Variants in CSRNP3 observed in about 807,000 individuals in gnomAD.
CSRNP3 encodes cysteine and serine rich nuclear protein 3, also known as cysteine/serine-rich nuclear protein 3.
Under a neutral mutation model 48.0 loss-of-function variants are expected in CSRNP3, and 12 were observed. The ratio of observed to expected loss-of-function variants is 0.25; its 90% CI spans 0.16 to 0.41. The LOEUF (loss-of-function observed/expected upper bound fraction) is 0.41, where lower values mean the gene tolerates loss of function less well. CSRNP3 is among the 10% of genes least tolerant of loss of function. The pLI is 1.00. For synonymous variants in CSRNP3, 263 were observed against 269.7 expected, an observed-to-expected ratio of 0.98 and a Z score of 0.24; for missense variants, 580 against 724.4, an observed-to-expected ratio of 0.80 and a Z score of 2.29.
At chr2:165,528,927 C>T (rs1056388002) in intron 3 of CSRNP3, among the ~76,000 whole-genome samples, 6 of 152,134 alleles carry the variant, frequency 3.9e-5, no homozygotes, top group Non-Finnish European at 8.8e-5. Context: ...TGTAGCCACC[C>T]AAGCCATAGC....
chr2:165,562,127 C>T (rs1226048062), intron 3 of CSRNP3, among the ~76,000 whole-genome samples: 1 of 152,128 alleles, frequency 6.6e-6, no homozygotes, highest in Admixed American at 6.6e-5. Context: ...AGCCCGAACA[C>T]CCCCTGATGT....
At chr2:165,488,994 C>T (rs1386524563) in intron 1 of CSRNP3, among the ~76,000 whole-genome samples, 83 of 116,422 alleles carry the variant, frequency 7.1e-4, no homozygotes, top group Admixed American at 1.1e-3. Flanking sequence ...TTCAAAAAAT[C>T]AATGAATCCA....
chr2:165,626,082 G>A (rs1247077838), intron 4 of CSRNP3, among the ~76,000 whole-genome samples: 1 of 151,724 alleles, frequency 6.6e-6, no homozygotes, highest in East Asian at 1.9e-4. Flanking sequence ...AATTAGCCCA[G>A]CATGGTGGTG....
At chr2:165,666,175 G>T (rs575556228) in intron 5 of CSRNP3, among the ~76,000 whole-genome samples, 8 of 136,542 alleles carry the variant, frequency 5.9e-5, no homozygotes, top group African/African-American at 2.0e-4. Context: ...AGAGAGAAAG[G>T]AAGGAAGGAA....
intron 1 of CSRNP3, among the ~76,000 whole-genome samples, chr2:165,472,284 A>T (rs369328045): frequency 6.6e-6 from 1 of 152,034 alleles, no homozygotes; most frequent in Non-Finnish European, 1.5e-5. Context: ...CATTAATGCA[A>T]TTATTTCCTT....
intron 1 of CSRNP3, among the ~76,000 whole-genome samples, chr2:165,480,212 C>G (rs1042931865): frequency 4.6e-5 from 7 of 152,212 alleles, no homozygotes; most frequent in Non-Finnish European, 1.0e-4. Context: ...TAGTATCTGA[C>G]TTCTAGACCT....
In CSRNP3 at chr2:165,688,991, G is replaced by A. The variant is rs921875733; in HGVS notation, c.*9238G>A. 1.3e-5 allele frequency: 2 copies of A among 152,000 alleles called. No individual in the cohort carries two copies. Among genetic ancestry groups the A allele is most frequent in the Admixed American group, 6.6e-5 (1 of 15,240 alleles). 9.4% of individuals were successfully genotyped at this position (152,000 alleles called of 1,614,324 possible). ...TTGAAAAGGAGGAAAATCAACTCCA[G>A]TCCACACATACAGTCATGTTACATT... On this transcript the variant is annotated 3_prime_UTR_variant, in exon 7 of 7. Transcript: ENST00000651982.
intron 4 of CSRNP3, among the ~76,000 whole-genome samples, chr2:165,627,451 G>T (rs978547201): frequency 1.3e-5 from 2 of 151,732 alleles, no homozygotes; most frequent in African/African-American, 4.8e-5. Flanking sequence ...TTTCTCTTTC[G>T]TTCTGGGCCC....
intron 4 of CSRNP3, among the ~76,000 whole-genome samples, chr2:165,641,511 A>G (rs1320155024): frequency 6.6e-6 from 1 of 152,210 alleles, no homozygotes; most frequent in Non-Finnish European, 1.5e-5. Flanking sequence ...AAAGGTCAGG[A>G]GTCTGGGAAC....
chr2:165,547,158 A>T (rs1461302879), intron 3 of CSRNP3, among the ~76,000 whole-genome samples: 1 of 152,110 alleles, frequency 6.6e-6, no homozygotes, highest in Non-Finnish European at 1.5e-5. Flanking sequence ...AACCTCATTC[A>T]TTTTTATATC....
chr2:165,586,084 A>G (rs1235903334), intron 3 of CSRNP3, among the ~76,000 whole-genome samples: 1 of 152,170 alleles, frequency 6.6e-6, no homozygotes, highest in Admixed American at 6.5e-5. Flanking sequence ...TAAAGTGAAC[A>G]TCTCATTACC....
chr2:165,565,649 A>C (rs1021598100), intron 3 of CSRNP3, among the ~76,000 whole-genome samples: 6 of 152,050 alleles, frequency 3.9e-5, no homozygotes, highest in Non-Finnish European at 7.4e-5. Context: ...AACAAGAAAG[A>C]AAATGCATGC....
At position 165,679,957 on chromosome 2, in the gene CSRNP3, T is replaced by A. The variant is rs987734229; in HGVS notation, c.*204T>A. 1.8e-5 allele frequency: 12 copies of A among 684,772 alleles called. No individual in the cohort carries two copies. Among genetic ancestry groups the A allele is most frequent in the Admixed American group, 3.3e-5 (1 of 30,102 alleles). The allele number at this position is 684,772 out of a possible 1,614,324, so 42.4% of individuals were successfully genotyped here. ...AGTCTCTGTAGGGATTTTAAAAGAT[T>A]TCAGACTGTTTTGATAGAAAAAGCT... On this transcript the variant is annotated 3_prime_UTR_variant, in exon 7 of 7. Coordinates refer to ENST00000651982, the MANE Select transcript of CSRNP3 (RefSeq NM_001172173.2).
intron 3 of CSRNP3, among the ~76,000 whole-genome samples, chr2:165,590,906 G>A (rs1192543109): frequency 6.6e-6 from 1 of 152,176 alleles, no homozygotes; most frequent in African/African-American, 2.4e-5. Context: ...TGGTACCACA[G>A]GGAGTGGGGT....
At chr2:165,670,068 C>T (rs1687303761) in intron 5 of CSRNP3, among the ~76,000 whole-genome samples, 2 of 152,154 alleles carry the variant, frequency 1.3e-5, no homozygotes, top group Admixed American at 1.3e-4. Context: ...GGAGTGATCC[C>T]ATGCAAGTTC....
chr2:165,658,682 C>T (rs1441585336), intron 5 of CSRNP3, among the ~76,000 whole-genome samples: 7 of 152,122 alleles, frequency 4.6e-5, no homozygotes, highest in Admixed American at 2.6e-4. Context: ...ACAATCATGG[C>T]GGAGGGCAAA....
intron 2 of CSRNP3, among the ~76,000 whole-genome samples, chr2:165,514,700 C>T (rs1684552872): frequency 6.6e-6 from 1 of 152,180 alleles, no homozygotes; most frequent in African/African-American, 2.4e-5. Context: ...TGTCATTCTT[C>T]CCAACTCCTC....
At chr2:165,678,054 C>T (rs146152309) in intron 6 of CSRNP3, among the ~76,000 whole-genome samples, 86 of 152,136 alleles carry the variant, frequency 5.7e-4, no homozygotes, top group African/African-American at 1.4e-3. Flanking sequence ...TCCATTGCAG[C>T]GCTCCAGTAC....
rs183979893 is a variant in CSRNP3 at position 165,599,602 on chromosome 2, C to A, written c.148+4389C>A. 2.5e-3 allele frequency among the ~76,000 whole-genome samples: 383 copies of A among 152,216 alleles called. 4 individuals are homozygous for A. Among genetic ancestry groups the A allele is most frequent in the Middle Eastern group, 0.017 (5 of 294 alleles). ...CACCATGCCCATCCTGTGATCTAAGCATTTTAGCCAGTGTGAGAGGAGTAG... is the reference window on the plus strand; with the variant it reads ...CACCATGCCCATCCTGTGATCTAAGAATTTTAGCCAGTGTGAGAGGAGTAG... On this transcript the variant is annotated intron_variant, in intron 4 of 6. Transcript: ENST00000651982.
Sources: allele counts gnomAD v4.1 joint callset (sites outside exome capture counted in the v4.1 genomes callset), GRCh38; gene constraint gnomAD v4.1.1; transcripts MANE v1.5; gene names NCBI Gene and HGNC (gene_info 2026-07-23, HGNC 2026-07-21).